MYO9A: variants seen among roughly 807,000 people sequenced by gnomAD.
The protein encoded by MYO9A is unconventional myosin-IXa.
In MYO9A, 103 loss-of-function variants were observed where a neutral mutation model predicts 293.3. That is an observed-to-expected ratio of 0.35 (90% CI 0.30 to 0.41). The LOEUF (loss-of-function observed/expected upper bound fraction) is 0.41, where lower values mean the gene tolerates loss of function less well. Among genes scored for constraint, MYO9A ranks in the 10% least tolerant of loss-of-function variants. The probability of loss-of-function intolerance (pLI) is 1.00; values close to 1 mark genes in which losing one functional copy is unlikely to be tolerated. For missense variants in MYO9A, 2,685 were observed against 3,033.0 expected, an observed-to-expected ratio of 0.89 and a Z score of 2.69; for synonymous variants, 1,001 against 1,035.7, an observed-to-expected ratio of 0.97 and a Z score of 0.64.
chr15:71,849,075 T>C, intron 38 of MYO9A, 107 bp from the exon 39 acceptor site: 1 of 1,060,370 alleles, frequency 9.4e-7, no homozygotes. Flanking sequence ...AGGAAAAAAT[T>C]AACATCCCTT....
At chr15:72,113,761 G>T (rs961780577) in intron 1 of MYO9A, among the ~76,000 whole-genome samples, 2 of 152,120 alleles carry the variant, frequency 1.3e-5, no homozygotes, top group African/African-American at 4.8e-5. Flanking sequence ...ACAATAAATG[G>T]CCAAGAGTGG....
At chr15:72,047,919 C>T (rs527808624) in intron 1 of MYO9A, among the ~76,000 whole-genome samples, 4 of 151,326 alleles carry the variant, frequency 2.6e-5, no homozygotes, top group South Asian at 4.2e-4. Context: ...TACAGGTGTG[C>T]GCCACCTTGC....
intron 1 of MYO9A, among the ~76,000 whole-genome samples, chr15:72,060,957 C>T (rs1213844975): frequency 6.6e-6 from 1 of 152,154 alleles, no homozygotes; most frequent in Non-Finnish European, 1.5e-5. Context: ...AGGAAAGAGT[C>T]ACGTTGTCTT....
intron 15 of MYO9A, among the ~76,000 whole-genome samples, chr15:71,945,023 T>C (rs1429199977): frequency 3.9e-5 from 6 of 152,206 alleles, no homozygotes; most frequent in Non-Finnish European, 1.5e-5. Context: ...TTTGTTAAAT[T>C]TATCCCCAAG....
At chr15:72,038,830 T>C (rs2078140186) in intron 2 of MYO9A, among the ~76,000 whole-genome samples, 1 of 152,228 alleles carries the variant, frequency 6.6e-6, no homozygotes, top group South Asian at 2.1e-4. Flanking sequence ...GTTTTGACCT[T>C]TGTTACAGCA....
chr15:71,862,689 T>C (rs1296224348), intron 32 of MYO9A, 78 bp from the exon 33 acceptor site: 1 of 909,562 alleles, frequency 1.1e-6, no homozygotes, highest in Non-Finnish European at 1.8e-6. Context: ...AATCCTTCAA[T>C]CTCTTGTTAA....
At chr15:72,098,718 C>A (rs189571413) in intron 1 of MYO9A, among the ~76,000 whole-genome samples, 33 of 152,044 alleles carry the variant, frequency 2.2e-4, no homozygotes, top group African/African-American at 7.7e-4. Flanking sequence ...ACACCTATAG[C>A]CCCAGCTAGC....
chr15:71,847,313 AG>A (rs1399314042), intron 39 of MYO9A: 1 of 357,642 alleles, frequency 2.8e-6, no homozygotes, highest in Admixed American at 2.4e-5. Context: ...CCGAACATGG[AG>A]GGTGGACAGG....
At chr15:71,904,109 GACTA>G in intron 20 of MYO9A, 70 bp from the exon 21 acceptor site, 3 of 1,209,834 alleles carry the variant, frequency 2.5e-6, no homozygotes, top group South Asian at 2.6e-5. Context: ...TTATAAGCAT[GACTA>G]ACTGTTGAGT....
At chr15:71,949,692 C>G (rs183796581) in intron 15 of MYO9A, among the ~76,000 whole-genome samples, 1 of 146,338 alleles carries the variant, frequency 6.8e-6, no homozygotes, top group African/African-American at 2.5e-5. Flanking sequence ...TTCCTGGGGT[C>G]TTCCCTGCAT....
chr15:71,893,130 G>A, intron 26 of MYO9A: 1 of 1,287,474 alleles, frequency 7.8e-7, no homozygotes, highest in South Asian at 1.2e-5. Flanking sequence ...AGAAATCGGA[G>A]CGCGTCCGCG....
intron 13 of MYO9A, among the ~76,000 whole-genome samples, chr15:71,966,719 C>T (rs2147234621): frequency 6.6e-6 from 1 of 152,222 alleles, no homozygotes; most frequent in South Asian, 2.1e-4. Context: ...CTTAAGATTT[C>T]ACTTCAATTT....
chr15:71,851,937 C>T (rs551204461), intron 36 of MYO9A, among the ~76,000 whole-genome samples, 195 bp downstream of exon 36: 5 of 152,272 alleles, frequency 3.3e-5, no homozygotes, highest in South Asian at 4.1e-4. Context: ...AGGACACTAA[C>T]GTTTTGATGA....
chr15:71,910,867 T>C (rs1208795139), intron 19 of MYO9A, among the ~76,000 whole-genome samples: 1 of 152,238 alleles, frequency 6.6e-6, no homozygotes, highest in Non-Finnish European at 1.5e-5. Flanking sequence ...CAAGTCCTTT[T>C]TTAGTCTTGC....
rs545157615 is a variant in MYO9A, at chr15:72,055,226, G to C, written c.-71-8592C>G. Reference sequence around the variant, plus strand: ...GCTTGAGCACAGGAGTTCAAGACCAGCCCGGGCAATATACCAAGACCCCAT... The same window carrying C: ...GCTTGAGCACAGGAGTTCAAGACCACCCCGGGCAATATACCAAGACCCCAT... On this transcript the variant is annotated intron_variant, in intron 1 of 41. Transcript: ENST00000356056. Among the ~76,000 whole-genome samples, 66 of 152,316 alleles carry C rather than the reference G, an allele frequency of 4.3e-4. 2 individuals are homozygous for C. The South Asian group carries it at 0.014, about 32-fold the overall frequency.
At chr15:72,103,089 C>T (rs1172383317) in intron 1 of MYO9A, among the ~76,000 whole-genome samples, 1 of 147,532 alleles carries the variant, frequency 6.8e-6, no homozygotes, top group East Asian at 2.1e-4. Context: ...AAGTGATTCT[C>T]CTCGGCTGAG....
At chr15:72,032,465 G>C (rs924207501) in intron 3 of MYO9A, 29 bp downstream of exon 3, 2 of 1,405,552 alleles carry the variant, frequency 1.4e-6, no homozygotes, top group Non-Finnish European at 2.0e-6. Flanking sequence ...ATGCTCCAAA[G>C]CCTACGCCTG....
chr15:71,843,851 A>T (rs1196713192), intron 39 of MYO9A, among the ~76,000 whole-genome samples: 3 of 152,192 alleles, frequency 2.0e-5, no homozygotes, highest in Admixed American at 2.0e-4. Flanking sequence ...AGTAGCTAAC[A>T]TCAGTTCCCA....
chr15:71,999,862 T>C lies in MYO9A; in HGVS notation c.1459A>G (p.Lys487Glu). Residue 487 changes from lysine (K) to glutamate (E), a missense_variant, in exon 9 of 42, where the codon AAG (lysine) becomes GAG (glutamate). By Grantham distance (56) the Lys-to-Glu change is moderately conservative. Transcript: ENST00000356056. ...TVGEKLILPYKLAEAVTVRNS... is the reference protein window; with the variant it reads ...TVGEKLILPYELAEAVTVRNS... Reference sequence around the variant, plus strand: ...AAAATCCATCATACCTCTGCCAACTTGTATGGCAAAATAAGCTTTTCTCCC... The same window carrying C: ...AAAATCCATCATACCTCTGCCAACTCGTATGGCAAAATAAGCTTTTCTCCC... 1 of 1,611,388 alleles carries C rather than the reference T, an allele frequency of 6.2e-7. No individual in the cohort carries two copies. Among genetic ancestry groups the C allele is most frequent in the Non-Finnish European group, 8.5e-7 (1 of 1,178,542 alleles).
Sources: gnomAD v4.1 joint callset for allele counts (sites outside exome capture counted in the v4.1 genomes callset) on GRCh38, gnomAD v4.1.1 for gene constraint, MANE v1.5 for transcripts, NCBI Gene and HGNC (gene_info 2026-07-23, HGNC 2026-07-21) for gene names.